SNF8: variants seen among roughly 807,000 people sequenced by gnomAD.
SNF8 encodes vacuolar-sorting protein SNF8.
In SNF8, 19 loss-of-function variants were observed where a neutral mutation model predicts 36.8. The ratio of observed to expected loss-of-function variants is 0.52; its 90% CI spans 0.36 to 0.76. SNF8 has a LOEUF of 0.76. Ranked by LOEUF, SNF8 falls within the 30% of genes least tolerant of loss-of-function variation. The pLI is 0.00. For missense variants in SNF8, 268 were observed against 322.9 expected (o/e 0.83, Z 1.30); for synonymous variants, 127 against 127.4 (o/e 1.00, Z 0.02).
At chr17:48,936,886 C>A in intron 4 of SNF8, 134 bp downstream of exon 4, 1 of 712,592 alleles carries the variant, frequency 1.4e-6, no homozygotes, top group Non-Finnish European at 2.5e-6. Flanking sequence ...ATGGATTCAA[C>A]TGCATGAAAC....
At chr17:48,932,945 A>T (rs914617378) in intron 6 of SNF8, 2 of 369,162 alleles carry the variant, frequency 5.4e-6, no homozygotes, top group Non-Finnish European at 9.7e-6. Flanking sequence ...AGTTGTCTGC[A>T]TGTCTGTCTA....
chr17:48,933,493 AC>A (rs879830314), intron 5 of SNF8, 147 bp from the exon 6 acceptor site: 1 of 856,932 alleles, frequency 1.2e-6, no homozygotes, highest in Non-Finnish European at 1.8e-6. Flanking sequence ...TAATCGCAAC[AC>A]TTTTGGGATG....
At chr17:48,941,393 T>C (rs557782787) in intron 2 of SNF8, among the ~76,000 whole-genome samples, 1 of 152,292 alleles carries the variant, frequency 6.6e-6, no homozygotes, top group Non-Finnish European at 1.5e-5. Context: ...ATATATATAA[T>C]GTGGTATTCC....
chr17:48,931,707 T>A lies in SNF8; in HGVS notation c.575A>T (p.Tyr192Phe). The change falls in exon 7 of 8, where the codon TAC becomes TTC. Residue 192 changes from tyrosine to phenylalanine, a missense_variant. Transcript: ENST00000502492. ...GGCTTTGATCTCACTGACAGTCACGTAGCCATTCTTCTGAAGGAAGGAGGA... is the reference window on the plus strand; with the variant it reads ...GGCTTTGATCTCACTGACAGTCACGAAGCCATTCTTCTGAAGGAAGGAGGA... ...VVLQLAEKNG[Y>F]VTVSEIKASL... 1 of 1,612,958 alleles carries A rather than the reference T, an allele frequency of 6.2e-7. No individual in the cohort carries two copies. The highest frequency in any genetic ancestry group is 1.1e-5 in the South Asian group (1 of 90,766).
chr17:48,936,891 T>C, intron 4 of SNF8, 129 bp downstream of exon 4: 2 of 727,760 alleles, frequency 2.7e-6, no homozygotes, highest in Non-Finnish European at 4.9e-6. Context: ...TTCAACTGCA[T>C]GAAACAGCTA....
At chr17:48,933,465 C>T (rs2040890202) in intron 5 of SNF8, 119 bp from the exon 6 acceptor site, 21 of 1,139,454 alleles carry the variant, frequency 1.8e-5, no homozygotes, top group Admixed American at 5.9e-5. Context: ...AACTGCCAGG[C>T]GCAATGGCTC....
intron 6 of SNF8, chr17:48,932,131 A>T (rs2143793042): frequency 6.5e-6 from 1 of 154,514 alleles, no homozygotes; most frequent in East Asian, 1.9e-4. Flanking sequence ...GAGGCAGAAG[A>T]ATCACTGGAA....
chr17:48,930,485 G>GCTT lies in SNF8; in HGVS notation c.764_766dup (p.Glu255dup). 1 of 1,605,470 alleles carries GCTT rather than the reference G, an allele frequency of 6.2e-7. No homozygotes were observed. Among genetic ancestry groups the GCTT allele is most frequent in the South Asian group, 1.1e-5 (1 of 89,856 alleles). ...CCCTTCCACATGCAGTCAGGGGAGG[G>GCTT]CTTCTCTGGCCTCCTCAGCTGTAAT... is the stretch of plus-strand genomic sequence containing the variant. On this transcript the variant is annotated inframe_insertion, in exon 8 of 8. Coordinates refer to ENST00000502492, the MANE Select transcript of SNF8 (RefSeq NM_007241.4).
rs150110126 is a variant in SNF8, at chr17:48,939,749, C to T, written c.244+1175G>A. On this transcript the variant is annotated intron_variant, in intron 3 of 7. Transcript: ENST00000502492. Reference sequence around the variant, plus strand: ...CTGGGATTACAGGCGTGAGCCACCGCGCCCGGTGAATAATTTTTTTTAAAG... The same window carrying T: ...CTGGGATTACAGGCGTGAGCCACCGTGCCCGGTGAATAATTTTTTTTAAAG... Among the ~76,000 whole-genome samples, 187 of 151,962 alleles carry T rather than the reference C, an allele frequency of 1.2e-3. 1 individual carries two copies. Among genetic ancestry groups the T allele is most frequent in the African/African-American group, 4.3e-3 (177 of 41,496 alleles).
At chr17:48,934,537 G>A in intron 5 of SNF8, 1 of 178,714 alleles carries the variant, frequency 5.6e-6, no homozygotes, top group South Asian at 7.7e-5. Flanking sequence ...CCAGGAGGCG[G>A]AGGTTGCAGT....
intron 3 of SNF8, among the ~76,000 whole-genome samples, chr17:48,938,104 T>A (rs1489982837): frequency 6.6e-6 from 1 of 152,032 alleles, no homozygotes; most frequent in Non-Finnish European, 1.5e-5. Context: ...ATATGCAGAC[T>A]CAGCATTCAA....
chr17:48,931,322 C>T (rs2040855183), intron 7 of SNF8, among the ~76,000 whole-genome samples: 1 of 152,220 alleles, frequency 6.6e-6, no homozygotes, highest in Non-Finnish European at 1.5e-5. Flanking sequence ...ACTGTACTAA[C>T]AGTGTTACTT....
chr17:48,940,953 C>T lies in SNF8; in HGVS notation c.215G>A (p.Cys72Tyr). ...PEFRVQFQDM[C>Y]ATIGVDPLAS... is the part of the protein sequence containing the mutation. ...CAGCGGATCCACGCCAATGGTTGCACACATGTCCTGGAACTGCACACGGAA... is the reference window on the plus strand; with the variant it reads ...CAGCGGATCCACGCCAATGGTTGCATACATGTCCTGGAACTGCACACGGAA... The change falls in exon 3 of 8, where the codon TGT (cysteine) becomes TAT (tyrosine). Residue 72 changes from cysteine (C) to tyrosine (Y), a missense_variant. Coordinates refer to ENST00000502492, the MANE Select transcript of SNF8 (RefSeq NM_007241.4). 6.2e-7 allele frequency: 1 copy of T among 1,612,718 alleles called. No individual in the cohort carries two copies. The highest frequency in any genetic ancestry group is 8.5e-7 in the Non-Finnish European group (1 of 1,180,022).
chr17:48,940,905 C>G lies in SNF8; in HGVS notation c.244+19G>C. On this transcript the variant is annotated intron_variant, in intron 3 of 7. Transcript: ENST00000502492. Reference sequence around the variant, plus strand: ...AGGTACTCTATAAGAACGCTGGACCCCTACAGACAACTTCTTACAGGCCAG... The same window carrying G: ...AGGTACTCTATAAGAACGCTGGACCGCTACAGACAACTTCTTACAGGCCAG... The G allele has an allele frequency of 1.2e-6, 2 of 1,610,766 alleles. No individual in the cohort carries two copies.
At chr17:48,939,387 C>T (rs1277437828) in intron 3 of SNF8, among the ~76,000 whole-genome samples, 2 of 151,534 alleles carry the variant, frequency 1.3e-5, no homozygotes, top group African/African-American at 4.9e-5. Context: ...CTGCAGTGGG[C>T]TGATTGCACC....
intron 2 of SNF8, 118 bp downstream of exon 2, chr17:48,943,806 CA>C: frequency 1.2e-6 from 1 of 858,430 alleles, no homozygotes. Flanking sequence ...GCTCAGAAAT[CA>C]AAATTTGCCA....
rs2041080460 is a variant in SNF8 at position 48,944,755 on chromosome 17, C to T, written c.-21G>A. 7 of 1,591,878 alleles carry T rather than the reference C, an allele frequency of 4.4e-6. No homozygotes were observed. Among genetic ancestry groups the T allele is most frequent in the Non-Finnish European group, 6.0e-6 (7 of 1,172,514 alleles). ...TGCATCCCCACCCTGGGCCCGCGGG[C>T]CGCCCGGCTGCCGGGACCCCGGGTC... On this transcript the variant is annotated 5_prime_UTR_variant, in exon 1 of 8. Transcript: ENST00000502492.
intron 1 of SNF8, among the ~76,000 whole-genome samples, 169 bp downstream of exon 1, chr17:48,944,512 C>G (rs539750525): frequency 6.6e-6 from 1 of 152,326 alleles, no homozygotes; most frequent in East Asian, 1.9e-4. Context: ...GGCTGGGCAT[C>G]TGGGAACGCT....
intron 5 of SNF8, 28 bp downstream of exon 5, chr17:48,936,142 C>T (rs752858443): frequency 1.3e-6 from 2 of 1,562,364 alleles, no homozygotes; most frequent in African/African-American, 1.4e-5. Context: ...TCTTTCTGTA[C>T]TCCAAGGGAT....
Sources: allele counts gnomAD v4.1 joint callset (sites outside exome capture counted in the v4.1 genomes callset), GRCh38; gene constraint gnomAD v4.1.1; transcripts MANE v1.5; gene names NCBI Gene and HGNC (gene_info 2026-07-23, HGNC 2026-07-21).